Variants in WFS1 observed in about 807,000 individuals in gnomAD.
The protein encoded by WFS1 is wolframin.
A neutral mutation model predicts 68.5 loss-of-function variants in WFS1; 90 were observed. The observed-to-expected ratio is 1.31, with a 90% CI of 1.11 to 1.56. The LOEUF is 1.56. Ranked by LOEUF, WFS1 falls within the 40% of genes most tolerant of loss-of-function variation. The probability of loss-of-function intolerance (pLI) is 0.00; values close to 1 mark genes in which losing one functional copy is unlikely to be tolerated. For missense variants in WFS1, 1,767 were observed against 1,232.6 expected (o/e 1.43, Z -6.49); for synonymous variants, 860 against 540.7 (o/e 1.59, Z -8.19).
intron 1 of WFS1, 117 bp from the exon 2 acceptor site, chr4:6,277,334 A>G (rs1263387589): frequency 2.1e-6 from 2 of 959,092 alleles, no homozygotes; most frequent in South Asian, 1.5e-5. Context: ...GAGATCCTGT[A>G]TGGAGTGTCT....
chr4:6,298,383 TCCCTGG>T (rs1730702915), intron 7 of WFS1, among the ~76,000 whole-genome samples: 1 of 152,248 alleles, frequency 6.6e-6, no homozygotes. Flanking sequence ...TGCCTGGTCT[TCCCTGG>T]CCATCTCCTG....
rs1422001258 is a variant in WFS1, at chr4:6,287,080, TTC to T, written c.233-11_233-10del. On this transcript the variant is annotated splice_polypyrimidine_tract_variant and intron_variant, in intron 2 of 7. Transcript: ENST00000226760. The surrounding 1 kb of genome is among the most constrained non-coding windows in gnomAD (Gnocchi z 6.4). Reference sequence around the variant, plus strand: ...GCTTTGTGACATGTGTGTTTGTTTCTTCTGTGTTAAAGGGCCTACAAAGGGAG... The same window carrying T: ...GCTTTGTGACATGTGTGTTTGTTTCTTGTGTTAAAGGGCCTACAAAGGGAG... 1.3e-6 allele frequency: 2 copies of T among 1,553,904 alleles called. No homozygotes were observed. The highest frequency in any genetic ancestry group is 4.8e-5 in the East Asian group (2 of 41,764).
rs569054798 is a variant in WFS1 at position 6,287,390 on chromosome 4, C to G, written c.315+215C>G. 2 of 587,198 alleles carry G rather than the reference C, an allele frequency of 3.4e-6. No homozygotes were observed. The highest frequency in any genetic ancestry group is 6.2e-6 in the Non-Finnish European group (2 of 323,996). 36.4% of individuals were successfully genotyped at this position (587,198 alleles called of 1,614,324 possible). A position where few individuals can be genotyped will look rare whatever the true frequency, so the allele number is the denominator to read the frequency against. On this transcript the variant is annotated intron_variant, in intron 3 of 7. Transcript: ENST00000226760. This position sits in a 1 kb window ranked among gnomAD's most constrained non-coding sequence, Gnocchi z 6.4. ...TGGCACTCCTCTGGGGAGCAGCGCTCATCCCCCTTTTGTCCAACTCACACC... is the reference window on the plus strand; with the variant it reads ...TGGCACTCCTCTGGGGAGCAGCGCTGATCCCCCTTTTGTCCAACTCACACC...
intron 1 of WFS1, among the ~76,000 whole-genome samples, chr4:6,276,484 CTG>C (rs1471981729): frequency 3.3e-5 from 5 of 152,220 alleles, no homozygotes; most frequent in Non-Finnish European, 4.4e-5. Context: ...TTTTTACTCT[CTG>C]TGTTGGTTTC....
rs772915458 is a variant in WFS1, at chr4:6,291,263, T to C, written c.527T>C (p.Val176Ala). 17 of 1,612,370 alleles carry C rather than the reference T, an allele frequency of 1.1e-5. No individual in the cohort carries two copies. The highest frequency in any genetic ancestry group is 1.4e-5 in the Non-Finnish European group (16 of 1,179,882). The change falls in exon 5 of 8, where the codon GTG becomes GCG. Residue 176 changes from valine to alanine, a missense_variant. By Grantham distance (64) the Val-to-Ala change is moderately conservative. Transcript: ENST00000226760. ...LSSETDLERAVRKAALVMYWK... is the reference protein window; with the variant it reads ...LSSETDLERAARKAALVMYWK... The stretch of plus-strand genomic sequence containing the variant: ...TCCGAGACCGACCTGGAGAGGGCCG[T>C]GCGCAAGGCAGCCCTGGTCATGTAC...
intron 6 of WFS1, chr4:6,294,670 A>T (rs1730573751): frequency 3.0e-6 from 1 of 338,120 alleles, no homozygotes; most frequent in East Asian, 7.4e-5. Flanking sequence ...ACGCTGGCTG[A>T]AGAGGAGGGT....
rs768984174 is a variant in WFS1, at chr4:6,302,244, C to A, written c.2449C>A (p.Leu817Met). ...SSEFKSVLLSLRQGSLIEFST... is the reference protein window; with the variant it reads ...SSEFKSVLLSMRQGSLIEFST... ...CGAGTTCAAGAGCGTGCTGCTCAGC[C>A]TGCGCCAGGGCAGCCTCATCGAGTT... is the stretch of plus-strand genomic sequence containing the variant. Residue 817 changes from leucine to methionine, a missense_variant, in exon 8 of 8, where the codon CTG (leucine) becomes ATG (methionine). By Grantham distance (15) the Leu-to-Met change is conservative. Transcript: ENST00000226760. 6.2e-7 allele frequency: 1 copy of A among 1,606,056 alleles called. No homozygotes were observed. Among genetic ancestry groups the A allele is most frequent in the East Asian group, 2.2e-5 (1 of 44,730 alleles).
At position 6,301,130 on chromosome 4, in the gene WFS1, G is replaced by C. The variant is rs1426049330; in HGVS notation, c.1335G>C (p.Leu445=). The change falls in exon 8 of 8, where the codon CTG becomes CTC. Residue 445 remains leucine (L), a synonymous_variant. Coordinates refer to ENST00000226760, the MANE Select transcript of WFS1 (RefSeq NM_006005.3). ...GCTTCTTTACCGTGACCAGCTACCT[G>C]AGCCTGAGCACCCATGCAGAGCCCT... ...ITGFFTVTSY[L]SLSTHAEPYT... 5.0e-6 allele frequency: 8 copies of C among 1,613,238 alleles called. No individual in the cohort carries two copies. The highest frequency in any genetic ancestry group is 5.1e-6 in the Non-Finnish European group (6 of 1,180,012).
chr4:6,280,877 T>G (rs1249567720), intron 2 of WFS1, among the ~76,000 whole-genome samples: 4 of 151,948 alleles, frequency 2.6e-5, no homozygotes, highest in African/African-American at 9.7e-5. Context: ...TTCGGGAGCT[T>G]TCCGAGTCGT....
rs1456429351 is a variant in WFS1 at position 6,299,863 on chromosome 4, GTGTAGGGGTGGGCTGCA to G, written c.862-790_862-774del. ...AGGGGTGGGTTGTGTGAATGCGTGT[GTGTAGGGGTGGGCTGCA>G]TGTGTGTGTGTAGGGGTGGGTTGTG... On this transcript the variant is annotated intron_variant, in intron 7 of 7. Transcript: ENST00000226760. 1.3e-3 allele frequency among the ~76,000 whole-genome samples: 181 copies of G among 138,980 alleles called. 2 individuals are homozygous for G. Among genetic ancestry groups the G allele is most frequent in the African/African-American group, 4.3e-3 (157 of 36,364 alleles). The allele number at this position is 138,980 out of a possible 152,430, so 91.2% of individuals were successfully genotyped here. A position where few individuals can be genotyped will look rare whatever the true frequency, so the allele number is the denominator to read the frequency against.
chr4:6,298,096 C>T (rs1730685657), intron 7 of WFS1, among the ~76,000 whole-genome samples: 1 of 152,240 alleles, frequency 6.6e-6, no homozygotes, highest in African/African-American at 2.4e-5. Context: ...CAAGGCCACC[C>T]CCTTGCTACC....
intron 7 of WFS1, among the ~76,000 whole-genome samples, chr4:6,299,277 G>T (rs1184078043): frequency 6.6e-6 from 1 of 152,224 alleles, no homozygotes; most frequent in Non-Finnish European, 1.5e-5. Context: ...GCCTCCCTCA[G>T]CCCTCTGCTC....
At chr4:6,292,982 G>A (rs1730508817) in intron 6 of WFS1, among the ~76,000 whole-genome samples, 1 of 152,222 alleles carries the variant, frequency 6.6e-6, no homozygotes, top group South Asian at 2.1e-4. Context: ...TGCTTGCGCT[G>A]CTGTTTTCCT....
At chr4:6,285,277 G>A (rs1730282433) in intron 2 of WFS1, among the ~76,000 whole-genome samples, 1 of 151,416 alleles carries the variant, frequency 6.6e-6, no homozygotes, top group Non-Finnish European at 1.5e-5. Context: ...GACATCCAGG[G>A]AGAGGGGCGT....
At chr4:6,284,219 A>G (rs1730245210) in intron 2 of WFS1, among the ~76,000 whole-genome samples, 2 of 152,020 alleles carry the variant, frequency 1.3e-5, no homozygotes, top group African/African-American at 4.8e-5. Context: ...AAAATACAAA[A>G]AAACTTAGCT....
At chr4:6,278,024 G>A (rs1316885206) in intron 2 of WFS1, among the ~76,000 whole-genome samples, 1 of 152,246 alleles carries the variant, frequency 6.6e-6, no homozygotes, top group Non-Finnish European at 1.5e-5. Flanking sequence ...AACCAACTAG[G>A]GTGGCAGGCC....
chr4:6,299,180 T>G (rs1307625446), intron 7 of WFS1, among the ~76,000 whole-genome samples: 1 of 152,202 alleles, frequency 6.6e-6, no homozygotes, highest in African/African-American at 2.4e-5. Flanking sequence ...GCTCAGGGCC[T>G]CTGAGTTCTG....
chr4:6,275,831 T>C (rs1729977861), intron 1 of WFS1, among the ~76,000 whole-genome samples: 1 of 152,188 alleles, frequency 6.6e-6, no homozygotes. Flanking sequence ...AAAAGTGACC[T>C]CTGGGCACCT....
At position 6,300,881 on chromosome 4, in the gene WFS1, C is replaced by CA. The variant is rs1319792525; in HGVS notation, c.1088dup (p.Val364GlyfsTer179). The CA allele has an allele frequency of 6.2e-7, 1 of 1,614,038 alleles. No individual in the cohort carries two copies. The highest frequency in any genetic ancestry group is 1.3e-5 in the African/African-American group (1 of 74,910). On this transcript the variant is annotated frameshift_variant, in exon 8 of 8. Coordinates refer to ENST00000226760, the MANE Select transcript of WFS1 (RefSeq NM_006005.3). LOFTEE classifies it high-confidence loss of function. ...TCATCTCCATGGTGATCTGCACCCTCAAGGTGTTCCAGGACAGCAAGGCCT... is the reference window on the plus strand; with the variant it reads ...TCATCTCCATGGTGATCTGCACCCTCAAAGGTGTTCCAGGACAGCAAGGCCT...
Sources: gnomAD v4.1 joint callset for allele counts (sites outside exome capture counted in the v4.1 genomes callset) on GRCh38, gnomAD v4.1.1 for gene constraint, Gnocchi (gnomAD v3.1) non-coding constraint, MANE v1.5 for transcripts, NCBI Gene and HGNC (gene_info 2026-07-23, HGNC 2026-07-21) for gene names.